FYTTD1: variants seen among roughly 807,000 people sequenced by gnomAD.
FYTTD1 encodes forty-two-three domain containing 1, also known as UAP56-interacting factor.
Under a neutral mutation model 40.9 loss-of-function variants are expected in FYTTD1, and 22 were observed. The observed-to-expected ratio is 0.54, with a 90% CI of 0.38 to 0.77. The LOEUF (loss-of-function observed/expected upper bound fraction) is 0.77. FYTTD1 is among the 30% of genes least tolerant of loss of function. FYTTD1 has a pLI of 0.00. For missense variants in FYTTD1, 351 were observed against 392.2 expected (o/e 0.90, Z 0.89); for synonymous variants, 140 against 137.9 (o/e 1.01, Z -0.10).
chr3:197,770,556 T>G (rs1367020184), intron 4 of FYTTD1, among the ~76,000 whole-genome samples: 1 of 152,190 alleles, frequency 6.6e-6, no homozygotes, highest in Non-Finnish European at 1.5e-5. Context: ...TTTCTCCCTG[T>G]TTTTTGAGAC....
At chr3:197,764,708 CA>C (rs375534910) in intron 2 of FYTTD1, among the ~76,000 whole-genome samples, 64,653 of 89,344 alleles carry the variant, frequency 0.72, 20,837 homozygotes, top group East Asian at 0.89. Flanking sequence ...GAGTCCGTCC[CA>C]AAAAAAAAAA....
Position 197,750,058 on chromosome 3 carries a change from A to G in FYTTD1, c.87A>G (p.Lys29=). 2 of 1,580,436 alleles carry G rather than the reference A, an allele frequency of 1.3e-6. No homozygotes were observed. The highest frequency in any genetic ancestry group is 1.7e-6 in the Non-Finnish European group (2 of 1,164,746). The change falls in exon 1 of 9, where the codon AAA becomes AAG. Residue 29 remains lysine, a synonymous_variant. Coordinates refer to ENST00000241502, the MANE Select transcript of FYTTD1 (RefSeq NM_032288.7). Reference sequence around the variant, plus strand: ...CCCGCAGCAATGAAAACCTCGACAAAATAGATATGTCTTTGGGTGAGGGGC... The same window carrying G: ...CCCGCAGCAATGAAAACCTCGACAAGATAGATATGTCTTTGGGTGAGGGGC... ...PKARSNENLD[K]IDMSLDDIIK...
At chr3:197,759,837 G>A (rs569087989) in intron 2 of FYTTD1, among the ~76,000 whole-genome samples, 10 of 151,278 alleles carry the variant, frequency 6.6e-5, no homozygotes, top group African/African-American at 2.2e-4. Flanking sequence ...GTGGTAGAAC[G>A]TATAGAGTGT....
intron 1 of FYTTD1, chr3:197,750,500 C>G: frequency 1.0e-6 from 1 of 987,672 alleles, no homozygotes; most frequent in Non-Finnish European, 1.2e-6. Context: ...CCGAGCCGTT[C>G]TCTCTGAAGA....
At chr3:197,750,609 C>T (rs2109031708) in intron 1 of FYTTD1, 1 of 985,326 alleles carries the variant, frequency 1.0e-6, no homozygotes, top group East Asian at 1.1e-4. Flanking sequence ...CCGGCCATGG[C>T]TGCCGGGCGC....
At position 197,783,480 on chromosome 3, in the gene FYTTD1, G is replaced by T. The variant is rs752061921; in HGVS notation, c.*1571G>T. 2 of 152,540 alleles carry T rather than the reference G, an allele frequency of 1.3e-5. No individual in the cohort carries two copies. Among genetic ancestry groups the T allele is most frequent in the African/African-American group, 2.4e-5 (1 of 41,406 alleles). The allele number at this position is 152,540 out of a possible 1,614,324, so 9.4% of individuals were successfully genotyped here. A position where few individuals can be genotyped will look rare whatever the true frequency, so the allele number is the denominator to read the frequency against. ...GTAACAGTTTCATGCTTATACCAAA[G>T]AATTAAATCTGATCTTTAATATCTG... On this transcript the variant is annotated 3_prime_UTR_variant, in exon 9 of 9. Transcript: ENST00000241502.
intron 2 of FYTTD1, among the ~76,000 whole-genome samples, chr3:197,764,992 G>A (rs1452362502): frequency 2.0e-5 from 3 of 151,628 alleles, no homozygotes; most frequent in South Asian, 4.2e-4. Flanking sequence ...TGGGATTACA[G>A]GTGTGCACCA....
chr3:197,757,839 C>T (rs541092736), intron 2 of FYTTD1, among the ~76,000 whole-genome samples: 1 of 152,312 alleles, frequency 6.6e-6, no homozygotes, highest in African/African-American at 2.4e-5. Context: ...ATAGTTGAAC[C>T]TAAGGGAGTA....
At chr3:197,766,731 C>G (rs915405723) in intron 2 of FYTTD1, among the ~76,000 whole-genome samples, 2 of 152,034 alleles carry the variant, frequency 1.3e-5, no homozygotes, top group Admixed American at 6.6e-5. Context: ...GCATCAGCCA[C>G]CATGCCCAGC....
intron 4 of FYTTD1, among the ~76,000 whole-genome samples, chr3:197,771,870 G>T (rs1026951959): frequency 3.9e-5 from 6 of 151,926 alleles, no homozygotes; most frequent in Non-Finnish European, 7.4e-5. Context: ...GCTGCGTGTG[G>T]ATCACCTGAG....
At position 197,782,034 on chromosome 3, in the gene FYTTD1, T is replaced by A. The variant is rs1331685104; in HGVS notation, c.*125T>A. 1 of 473,436 alleles carries A rather than the reference T, an allele frequency of 2.1e-6. No homozygotes were observed. The highest frequency in any genetic ancestry group is 3.7e-6 in the Non-Finnish European group (1 of 269,322). 29.3% of individuals were successfully genotyped at this position (473,436 alleles called of 1,614,324 possible). A position where few individuals can be genotyped will look rare whatever the true frequency, so the allele number is the denominator to read the frequency against. On this transcript the variant is annotated 3_prime_UTR_variant, in exon 9 of 9. Transcript: ENST00000241502. The stretch of plus-strand genomic sequence containing the variant: ...CAAGGCTAAATAACTCTTATTTTTA[T>A]TTTTGAAGGTTTTTTTTTTTAAAAA...
chr3:197,759,523 T>C (rs1729308910), intron 2 of FYTTD1, among the ~76,000 whole-genome samples: 1 of 151,960 alleles, frequency 6.6e-6, no homozygotes, highest in South Asian at 2.1e-4. Context: ...TGTTCCTCAG[T>C]GGTAGAACGT....
At chr3:197,773,928 C>G (rs1487987017) in intron 5 of FYTTD1, among the ~76,000 whole-genome samples, 1 of 146,556 alleles carries the variant, frequency 6.8e-6, no homozygotes, top group African/African-American at 2.6e-5. Flanking sequence ...GCAGCACTCA[C>G]GCACACGCCC....
intron 2 of FYTTD1, among the ~76,000 whole-genome samples, 188 bp downstream of exon 2, chr3:197,756,745 CTG>C (rs1458580094): frequency 1.3e-5 from 2 of 152,230 alleles, no homozygotes; most frequent in Non-Finnish European, 1.5e-5. Context: ...AGACGTAACA[CTG>C]TCTCTTAAAC....
chr3:197,784,185 T>G lies in FYTTD1; in HGVS notation c.*2276T>G, dbSNP rs1305444616. On this transcript the variant is annotated 3_prime_UTR_variant, in exon 9 of 9. Transcript: ENST00000241502. ...TGCATCACCAAATGAAAGTTTGTATTTAACGAGGAGGTGCTTTACACTGTA... is the reference window on the plus strand; with the variant it reads ...TGCATCACCAAATGAAAGTTTGTATGTAACGAGGAGGTGCTTTACACTGTA... 6.6e-6 allele frequency: 1 copy of G among 152,638 alleles called. No individual in the cohort carries two copies. The highest frequency in any genetic ancestry group is 1.5e-5 in the Non-Finnish European group (1 of 68,036). 9.5% of individuals were successfully genotyped at this position (152,638 alleles called of 1,614,324 possible).
intron 8 of FYTTD1, among the ~76,000 whole-genome samples, chr3:197,778,875 C>G (rs1729947434): frequency 6.6e-6 from 1 of 152,170 alleles, no homozygotes; most frequent in Admixed American, 6.5e-5. Context: ...GTGTGAGCAT[C>G]TGTTTTCATT....
rs768513023 is a variant in FYTTD1, at chr3:197,773,492, G to T, written c.587G>T (p.Gly196Val). ...CAGGCAACTTTTCTTTTCAGAAGAGGCCTGAAGGTATTTAAAAACTTTGGC... is the reference window on the plus strand; with the variant it reads ...CAGGCAACTTTTCTTTTCAGAAGAGTCCTGAAGGTATTTAAAAACTTTGGC... The part of the protein sequence containing the change: ...TRQATFLFRR[G>V]LKVQAQLNTE... Residue 196 changes from glycine to valine, a missense_variant, in exon 5 of 9, where the codon GGC becomes GTC. By Grantham distance (109) the Gly-to-Val change is moderately radical (BLOSUM62 -3). Coordinates refer to ENST00000241502, the MANE Select transcript of FYTTD1 (RefSeq NM_032288.7). 1.3e-6 allele frequency: 2 copies of T among 1,563,814 alleles called. No individual in the cohort carries two copies. The highest frequency in any genetic ancestry group is 2.3e-5 in the South Asian group (2 of 86,730).
intron 4 of FYTTD1, among the ~76,000 whole-genome samples, chr3:197,770,737 A>G (rs2109048605): frequency 6.6e-6 from 1 of 151,296 alleles, no homozygotes; most frequent in East Asian, 1.9e-4. Flanking sequence ...TTTAATAGAG[A>G]CAGGGTCTCA....
At chr3:197,765,806 C>G (rs1729526483) in intron 2 of FYTTD1, among the ~76,000 whole-genome samples, 2 of 151,842 alleles carry the variant, frequency 1.3e-5, no homozygotes, top group Admixed American at 1.3e-4. Context: ...ACTATCCTGG[C>G]TAACACAGCG....
Sources: gnomAD v4.1 joint callset for allele counts (sites outside exome capture counted in the v4.1 genomes callset) on GRCh38, gnomAD v4.1.1 for gene constraint, MANE v1.5 for transcripts, NCBI Gene and HGNC (gene_info 2026-07-23, HGNC 2026-07-21) for gene names.